Variants in SUPT3H observed in about 807,000 individuals in gnomAD.
The protein encoded by SUPT3H is SPT3 homolog, SAGA and STAGA complex component.
A neutral mutation model predicts 44.3 loss-of-function variants in SUPT3H; 44 were observed. The observed-to-expected ratio is 0.99, with a 90% CI of 0.78 to 1.28. The LOEUF (loss-of-function observed/expected upper bound fraction) is 1.28. Ranked by LOEUF, SUPT3H falls within the 50% of genes most tolerant of loss-of-function variation. The probability of loss-of-function intolerance (pLI) is 0.00; values close to 1 mark genes in which losing one functional copy is unlikely to be tolerated. For synonymous variants in SUPT3H, 124 were observed against 125.6 expected (o/e 0.99, Z 0.09); for missense variants, 380 against 387.1 (o/e 0.98, Z 0.15).
chr6:44,820,858 T>C (rs1767256548), intron 11 of SUPT3H, among the ~76,000 whole-genome samples: 1 of 152,154 alleles, frequency 6.6e-6, no homozygotes, highest in African/African-American at 2.4e-5. Context: ...GAAAGTGATT[T>C]ATGTTTTTTT....
Position 44,827,373 on chromosome 6 carries a change from T to C in SUPT3H, c.*2443A>G, listed in dbSNP as rs1767880668. On this transcript the variant is annotated 3_prime_UTR_variant, in exon 11 of 11. Transcript: ENST00000371459. Reference sequence around the variant, plus strand: ...ACCCCAACATGTCTTAGTAATATTCTTATGCTAACCCAGTATGGTAGAAAA... The same window carrying C: ...ACCCCAACATGTCTTAGTAATATTCCTATGCTAACCCAGTATGGTAGAAAA... Among the ~76,000 whole-genome samples, 1 of 152,114 alleles carries C rather than the reference T, an allele frequency of 6.6e-6. No homozygotes were observed. The highest frequency in any genetic ancestry group is 1.9e-4 in the East Asian group (1 of 5,190).
intron 10 of SUPT3H, among the ~76,000 whole-genome samples, chr6:44,865,536 AG>A: frequency 6.6e-6 from 1 of 152,334 alleles, no homozygotes; most frequent in Non-Finnish European, 1.5e-5. Context: ...AAAAGGTGAA[AG>A]GCATGTCTTA....
chr6:45,328,019 G>A (rs1252843568), intron 2 of SUPT3H: 1 of 201,494 alleles, frequency 5.0e-6, no homozygotes, highest in East Asian at 1.1e-4. Context: ...GCAGAGCTCT[G>A]CTCTACAAAT....
intron 10 of SUPT3H, among the ~76,000 whole-genome samples, chr6:44,892,971 C>A (rs1763463300): frequency 6.6e-6 from 1 of 151,894 alleles, no homozygotes; most frequent in Admixed American, 6.6e-5. Context: ...ACCAACTATC[C>A]AAGCAGGATA....
At chr6:45,263,895 A>G (rs1044902483) in intron 2 of SUPT3H, among the ~76,000 whole-genome samples, 3 of 152,174 alleles carry the variant, frequency 2.0e-5, no homozygotes, top group Non-Finnish European at 2.9e-5. Context: ...AAATACCACT[A>G]AAGTAAATTT....
chr6:45,308,598 C>T (rs1206405544), intron 2 of SUPT3H, among the ~76,000 whole-genome samples: 5 of 151,916 alleles, frequency 3.3e-5, no homozygotes, highest in Non-Finnish European at 5.9e-5. Flanking sequence ...GTCCTGGGAT[C>T]GGGGGAGGGA....
At chr6:44,959,642 TAA>T (rs1325880420) in intron 7 of SUPT3H, among the ~76,000 whole-genome samples, 1 of 152,132 alleles carries the variant, frequency 6.6e-6, no homozygotes, top group Non-Finnish European at 1.5e-5. Flanking sequence ...TAAAAGACTT[TAA>T]GAGAAATAAC....
At chr6:44,887,654 C>A (rs13192457) in intron 10 of SUPT3H, among the ~76,000 whole-genome samples, 55,238 of 150,940 alleles carry the variant, frequency 0.37, 10,982 homozygotes, top group Non-Finnish European at 0.44. Context: ...TAAATGCCCA[C>A]AAGAGAAAGC....
intron 10 of SUPT3H, among the ~76,000 whole-genome samples, chr6:44,928,884 A>AAATAAATAAATAAAT (rs1406433106): frequency 1.0e-5 from 1 of 98,588 alleles, no homozygotes; most frequent in African/African-American, 3.8e-5. Context: ...CTCCGTCTCA[A>AAATAAATAAATAAAT]AAAAAAAAAA....
chr6:44,901,194 A>G (rs868849135), intron 10 of SUPT3H, among the ~76,000 whole-genome samples: 1 of 152,222 alleles, frequency 6.6e-6, no homozygotes, highest in Non-Finnish European at 1.5e-5. Flanking sequence ...ACAAGTTGAG[A>G]GAAGAAGGCT....
intron 9 of SUPT3H, among the ~76,000 whole-genome samples, chr6:44,943,154 C>T (rs2153467084): frequency 6.6e-6 from 1 of 151,166 alleles, no homozygotes; most frequent in East Asian, 1.9e-4. Context: ...AACAAACGGA[C>T]AAATAAAAAA....
intron 6 of SUPT3H, among the ~76,000 whole-genome samples, chr6:44,971,235 C>G (rs1777527356): frequency 6.6e-6 from 1 of 152,114 alleles, no homozygotes; most frequent in Non-Finnish European, 1.5e-5. Flanking sequence ...CTAAAATAAA[C>G]CACTTTCATC....
At chr6:45,177,391 T>A (rs1031347112) in intron 2 of SUPT3H, among the ~76,000 whole-genome samples, 3 of 151,782 alleles carry the variant, frequency 2.0e-5, no homozygotes, top group African/African-American at 7.3e-5. Context: ...AAGAAACGAG[T>A]AAAGCCTCCA....
intron 10 of SUPT3H, among the ~76,000 whole-genome samples, chr6:44,889,422 T>C (rs1419541573): frequency 7.9e-5 from 12 of 151,992 alleles, no homozygotes; most frequent in African/African-American, 1.2e-4. Flanking sequence ...AACAGAGATA[T>C]ACATCAATGG....
At chr6:45,260,242 C>T (rs1267315735) in intron 2 of SUPT3H, among the ~76,000 whole-genome samples, 1 of 152,114 alleles carries the variant, frequency 6.6e-6, no homozygotes, top group Non-Finnish European at 1.5e-5. Flanking sequence ...CAGGGAACTG[C>T]AGGAAAGTTT....
At chr6:45,324,810 CTCT>C (rs762301989) in intron 2 of SUPT3H, among the ~76,000 whole-genome samples, 139 of 152,030 alleles carry the variant, frequency 9.1e-4, no homozygotes, top group Non-Finnish European at 1.6e-3. Context: ...GAGAAAAATG[CTCT>C]TATTACAAAA....
At chr6:45,013,557 C>G (rs1447989048) in intron 5 of SUPT3H, among the ~76,000 whole-genome samples, 1 of 152,026 alleles carries the variant, frequency 6.6e-6, no homozygotes, top group Non-Finnish European at 1.5e-5. Context: ...CTAGGCTTGT[C>G]TATTCTGGTA....
chr6:45,193,073 A>G (rs557442914), intron 2 of SUPT3H, among the ~76,000 whole-genome samples: 2 of 152,268 alleles, frequency 1.3e-5, no homozygotes, highest in African/African-American at 4.8e-5. Context: ...TCTCTTTGAC[A>G]ATGTTTTTCA....
chr6:45,000,717 T>G (rs1377762844), intron 6 of SUPT3H, among the ~76,000 whole-genome samples: 1 of 152,090 alleles, frequency 6.6e-6, no homozygotes, highest in Admixed American at 6.6e-5. Flanking sequence ...TCACTCTGCT[T>G]TCTCTCTAGA....
Sources: gnomAD v4.1 joint callset for allele counts (sites outside exome capture counted in the v4.1 genomes callset) on GRCh38, gnomAD v4.1.1 for gene constraint, MANE v1.5 for transcripts, NCBI Gene and HGNC (gene_info 2026-07-23, HGNC 2026-07-21) for gene names.